The following ZNF469 variants were observed in gnomAD, a reference collection of about 807,000 sequenced individuals.
ZNF469 encodes the protein zinc finger protein 469.
A neutral mutation model predicts 1.0 loss-of-function variants in ZNF469; 1 was observed. The observed-to-expected ratio is 1.00, with a 90% CI of 0.35 to 4.73. ZNF469 has a LOEUF of 4.73. ZNF469 is among the 30% of genes most tolerant of loss of function. The pLI, the probability that ZNF469 is intolerant of heterozygous loss-of-function variation, is 0.16. For missense variants in ZNF469, 6,100 were observed against 5,356.3 expected (o/e 1.14, Z -4.33); for synonymous variants, 2,703 against 2,363.4 (o/e 1.14, Z -4.17).
chr16:88,325,935 A>T, the ZNF469 span, among the ~76,000 whole-genome samples: 3 of 152,216 alleles, frequency 2.0e-5, no homozygotes, highest in Non-Finnish European at 4.4e-5. Context: ...TCAGCTGTAC[A>T]CTGTGAGCAA....
At chr16:88,381,913 A>G (rs1249698237), upstream of ZNF469, among the ~76,000 whole-genome samples, 1 of 152,268 alleles carries the variant, frequency 6.6e-6, no homozygotes, top group Non-Finnish European at 1.5e-5. Flanking sequence ...GCCCGTGGTT[A>G]GGCCACACCT....
Position 88,431,406 on chromosome 16 carries a change from C to G in ZNF469, c.3936C>G (p.Val1312=), listed in dbSNP as rs1906172961. Residue 1312 remains valine, a synonymous_variant, in exon 3 of 3, where the codon GTC becomes GTG. Transcript: ENST00000565624. ...LGGPGGTQAP[V]SHNSKDPPAR... is the part of the protein sequence containing the mutation. ...GTCCTGGGGGCACACAGGCCCCAGT[C>G]TCCCACAACAGCAAGGACCCCCCTG... is the stretch of plus-strand genomic sequence containing the variant. 2 of 1,550,288 alleles carry G rather than the reference C, an allele frequency of 1.3e-6. No homozygotes were observed. The highest frequency in any genetic ancestry group is 2.4e-5 in the East Asian group (1 of 40,920).
chr16:88,188,211 C>G, the ZNF469 span, among the ~76,000 whole-genome samples: 1 of 152,194 alleles, frequency 6.6e-6, no homozygotes, highest in South Asian at 2.1e-4. Context: ...CAGATCACGT[C>G]TCACCTCTCC....
chr16:88,319,193 G>C, the ZNF469 span, among the ~76,000 whole-genome samples: 1 of 152,146 alleles, frequency 6.6e-6, no homozygotes, highest in African/African-American at 2.4e-5. Flanking sequence ...GAGGGTCTGG[G>C]TGTCTGGCTG....
chr16:88,184,649 C>T, the ZNF469 span, among the ~76,000 whole-genome samples: 409 of 152,088 alleles, frequency 2.7e-3, 5 homozygotes, highest in East Asian at 0.031. Context: ...ACCGCTGTCG[C>T]CGCAAAGCAG....
chr16:88,151,518 C>T, the ZNF469 span, among the ~76,000 whole-genome samples: 7 of 152,218 alleles, frequency 4.6e-5, no homozygotes, highest in East Asian at 3.9e-4. The surrounding 1 kb of genome is among the most constrained non-coding windows in gnomAD (Gnocchi z 5.4). Context: ...TCCACAGATG[C>T]GCAGGGCTCT....
the ZNF469 span, among the ~76,000 whole-genome samples, chr16:88,290,714 C>T: frequency 2.6e-5 from 4 of 152,362 alleles, no homozygotes; most frequent in South Asian, 8.3e-4. Context: ...CAATCTGGTT[C>T]TGCCCAATTT....
At chr16:88,300,541 C>T in the ZNF469 span, among the ~76,000 whole-genome samples, 62 of 151,828 alleles carry the variant, frequency 4.1e-4, no homozygotes, top group African/African-American at 1.5e-3. Context: ...CACCTAGCAG[C>T]AGGGAGCGCT....
At chr16:88,221,310 C>A in the ZNF469 span, among the ~76,000 whole-genome samples, 1 of 152,228 alleles carries the variant, frequency 6.6e-6, no homozygotes, top group Admixed American at 6.5e-5. Context: ...CGTGAGGGCT[C>A]GAGCGAGATA....
the ZNF469 span, among the ~76,000 whole-genome samples, chr16:88,245,567 C>G: frequency 6.6e-6 from 1 of 152,366 alleles, no homozygotes; most frequent in South Asian, 2.1e-4. Context: ...ACAGTCGCCT[C>G]TGAGCTTTCC....
the ZNF469 span, among the ~76,000 whole-genome samples, chr16:88,230,131 G>A: frequency 6.6e-6 from 1 of 152,234 alleles, no homozygotes; most frequent in African/African-American, 2.4e-5. Flanking sequence ...CCAAGGTCCA[G>A]GTGTCTTTGG....
intron 1 of ZNF469, among the ~76,000 whole-genome samples, chr16:88,391,260 C>T (rs4075963): frequency 0.68 from 103,230 of 152,230 alleles, 35,643 homozygotes; most frequent in African/African-American, 0.8. Context: ...GCCAGCACCC[C>T]GTGGAGAAAG....
the ZNF469 span, among the ~76,000 whole-genome samples, chr16:88,209,209 A>G: frequency 1.3e-5 from 2 of 151,926 alleles, no homozygotes; most frequent in African/African-American, 4.8e-5. Flanking sequence ...CATCTCCCCA[A>G]CACTGTCCCT....
the ZNF469 span, among the ~76,000 whole-genome samples, chr16:88,371,930 C>T: frequency 1.7e-4 from 1 of 5,898 alleles, no homozygotes; most frequent in African/African-American, 1.0e-3. Context: ...ACCACCATCA[C>T]CATCACCACC....
the ZNF469 span, among the ~76,000 whole-genome samples, chr16:88,298,369 C>A: frequency 6.6e-6 from 1 of 152,158 alleles, no homozygotes; most frequent in Non-Finnish European, 1.5e-5. Flanking sequence ...CGGGAAAGGG[C>A]GGATGACACA....
chr16:88,116,914 C>T, the ZNF469 span, among the ~76,000 whole-genome samples: 1 of 151,824 alleles, frequency 6.6e-6, no homozygotes, highest in Admixed American at 6.6e-5. Flanking sequence ...TTACACGAAT[C>T]TACACGTGTG....
the ZNF469 span, among the ~76,000 whole-genome samples, chr16:88,291,769 C>A: frequency 1.3e-5 from 2 of 152,184 alleles, no homozygotes; most frequent in African/African-American, 4.8e-5. Flanking sequence ...ATTGGATCCT[C>A]CCTGCGTCTG....
chr16:88,416,694 G>A (rs561640768), intron 1 of ZNF469, among the ~76,000 whole-genome samples: 60 of 152,352 alleles, frequency 3.9e-4, no homozygotes, highest in African/African-American at 1.3e-3. Flanking sequence ...AAGCAGTCAC[G>A]TGGTGATTGG....
the ZNF469 span, among the ~76,000 whole-genome samples, chr16:88,226,157 TCTTC>T: frequency 6.6e-6 from 1 of 152,152 alleles, no homozygotes; most frequent in African/African-American, 2.4e-5. Context: ...GTGCTAAACG[TCTTC>T]CACCTTGTTA....
Sources: allele counts gnomAD v4.1 joint callset (sites outside exome capture counted in the v4.1 genomes callset), GRCh38; gene constraint gnomAD v4.1.1; non-coding constraint Gnocchi (gnomAD v3.1); transcripts MANE v1.5; gene names NCBI Gene and HGNC (gene_info 2026-07-23, HGNC 2026-07-21).